PARD3: variants seen among roughly 807,000 people sequenced by gnomAD.
The protein encoded by PARD3 is partitioning defective 3 homolog.
A neutral mutation model predicts 155.4 loss-of-function variants in PARD3; 75 were observed. The ratio of observed to expected loss-of-function variants is 0.48; its 90% CI spans 0.40 to 0.58. The LOEUF is 0.58. Ranked by LOEUF, PARD3 falls within the 20% of genes least tolerant of loss-of-function variation. The probability of loss-of-function intolerance (pLI) is 0.00; values close to 1 mark genes in which losing one functional copy is unlikely to be tolerated. For missense variants in PARD3, 1,642 were observed against 1,721.7 expected, an observed-to-expected ratio of 0.95 and a Z score of 0.82; for synonymous variants, 576 against 610.5, an observed-to-expected ratio of 0.94 and a Z score of 0.83.
intron 22 of PARD3, among the ~76,000 whole-genome samples, chr10:34,224,193 A>G (rs1309609943): frequency 1.3e-5 from 2 of 152,218 alleles, no homozygotes; most frequent in Non-Finnish European, 2.9e-5. Flanking sequence ...ATTGACCTAA[A>G]AGCTTTTCAT....
At chr10:34,316,947 C>T (rs1406415886) in intron 20 of PARD3, among the ~76,000 whole-genome samples, 160 bp downstream of exon 20, 1 of 152,116 alleles carries the variant, frequency 6.6e-6, no homozygotes, top group African/African-American at 2.4e-5. Context: ...GTTGCCCAGG[C>T]TGGATTTGGA....
At chr10:34,123,357 T>C (rs1313754497) in intron 23 of PARD3, among the ~76,000 whole-genome samples, 3 of 152,226 alleles carry the variant, frequency 2.0e-5, no homozygotes, top group African/African-American at 7.2e-5. Context: ...GGGATAATAA[T>C]TCAAGCTTGA....
chr10:34,723,268 T>C (rs1353335378), intron 1 of PARD3, among the ~76,000 whole-genome samples: 2 of 152,112 alleles, frequency 1.3e-5, no homozygotes, highest in African/African-American at 4.8e-5. Context: ...CTAGGAGGCC[T>C]GGGCAACAGA....
chr10:34,127,997 A>G (rs190912115), intron 23 of PARD3, among the ~76,000 whole-genome samples: 1 of 152,300 alleles, frequency 6.6e-6, no homozygotes, highest in Admixed American at 6.5e-5. Flanking sequence ...AAATGAACTA[A>G]ATACCTTAGA....
At chr10:34,236,785 C>G (rs975905497) in intron 22 of PARD3, among the ~76,000 whole-genome samples, 2 of 152,142 alleles carry the variant, frequency 1.3e-5, no homozygotes, top group African/African-American at 4.8e-5. Flanking sequence ...TCTCTTAGCA[C>G]CAATCAAGTC....
chr10:34,554,601 AAAAT>A (rs2084846514), intron 2 of PARD3, among the ~76,000 whole-genome samples: 1 of 152,234 alleles, frequency 6.6e-6, no homozygotes, highest in Non-Finnish European at 1.5e-5. Flanking sequence ...AACTCTATGG[AAAAT>A]AAATCTAGCA....
At chr10:34,226,514 C>T (rs988386437) in intron 22 of PARD3, among the ~76,000 whole-genome samples, 3 of 152,222 alleles carry the variant, frequency 2.0e-5, no homozygotes, top group East Asian at 1.9e-4. Context: ...CGCACCACTG[C>T]ACTCCAGCCT....
chr10:34,347,895 C>T, intron 15 of PARD3, 70 bp downstream of exon 15: 1 of 1,256,096 alleles, frequency 8.0e-7, no homozygotes, highest in Non-Finnish European at 1.1e-6. Context: ...AATATTACAC[C>T]AATAACCTCT....
intron 22 of PARD3, among the ~76,000 whole-genome samples, chr10:34,201,015 C>A (rs959370997): frequency 6.6e-6 from 1 of 152,188 alleles, no homozygotes; most frequent in Non-Finnish European, 1.5e-5. Flanking sequence ...TACATGCAGA[C>A]ACACGCACCT....
At chr10:34,342,945 T>A (rs1394863962) in intron 15 of PARD3, among the ~76,000 whole-genome samples, 2 of 152,170 alleles carry the variant, frequency 1.3e-5, no homozygotes, top group African/African-American at 4.8e-5. Flanking sequence ...ATTAACAGCT[T>A]ATATAAATGC....
chr10:34,171,403 T>C (rs1949785178), intron 22 of PARD3, among the ~76,000 whole-genome samples: 1 of 152,118 alleles, frequency 6.6e-6, no homozygotes. Flanking sequence ...TAATACTAAA[T>C]ATGGACGAGA....
chr10:34,708,036 C>G (rs2094393122), intron 1 of PARD3, among the ~76,000 whole-genome samples: 1 of 152,158 alleles, frequency 6.6e-6, no homozygotes, highest in African/African-American at 2.4e-5. Context: ...AGCTTATATT[C>G]CTTATCTTCC....
intron 22 of PARD3, among the ~76,000 whole-genome samples, chr10:34,259,358 T>C (rs901120675): frequency 1.3e-5 from 2 of 152,188 alleles, no homozygotes; most frequent in African/African-American, 4.8e-5. Flanking sequence ...GCCAAGTTCC[T>C]TCCGGAGGCT....
At chr10:34,630,023 T>C (rs886275278) in intron 2 of PARD3, among the ~76,000 whole-genome samples, 1 of 152,104 alleles carries the variant, frequency 6.6e-6, no homozygotes, top group Non-Finnish European at 1.5e-5. Flanking sequence ...GTATTACTGA[T>C]GAAAACGTGT....
At chr10:34,554,556 G>A (rs959156541) in intron 2 of PARD3, among the ~76,000 whole-genome samples, 3 of 152,048 alleles carry the variant, frequency 2.0e-5, no homozygotes, top group African/African-American at 7.2e-5. Context: ...AATTTAAAAG[G>A]GAGGATATAG....
At chr10:34,546,082 C>A (rs1422152588) in intron 2 of PARD3, among the ~76,000 whole-genome samples, 6 of 152,078 alleles carry the variant, frequency 3.9e-5, no homozygotes, top group Non-Finnish European at 8.8e-5. Flanking sequence ...ATTAGAAATA[C>A]AATAAATAAA....
chr10:34,442,690 G>A lies in PARD3; in HGVS notation c.714+7627C>T, dbSNP rs536955250. On this transcript the variant is annotated intron_variant, in intron 5 of 24. Coordinates refer to ENST00000374788, the MANE Select transcript of PARD3 (RefSeq NM_001184785.2). ...TTGAGACCAGTCTGGGAAACATAGC[G>A]GGACCCCACCTGTACAAAAAAATTT... Among the ~76,000 whole-genome samples, 109 of 152,244 alleles carry A rather than the reference G, an allele frequency of 7.2e-4. 1 individual carries two copies. The highest frequency in any genetic ancestry group is 6.6e-3 in the South Asian group (32 of 4,820).
intron 19 of PARD3, among the ~76,000 whole-genome samples, chr10:34,326,642 A>AT (rs1835062385): frequency 6.6e-6 from 1 of 152,242 alleles, no homozygotes; most frequent in African/African-American, 2.4e-5. Context: ...AGAAAATGAG[A>AT]TATCAAAGGC....
intron 23 of PARD3, among the ~76,000 whole-genome samples, chr10:34,129,446 C>G (rs1036990159): frequency 6.6e-6 from 1 of 152,190 alleles, no homozygotes; most frequent in Non-Finnish European, 1.5e-5. Context: ...AGCCATTGTG[C>G]CTGGCCTGCA....
Sources: allele counts gnomAD v4.1 joint callset (sites outside exome capture counted in the v4.1 genomes callset), GRCh38; gene constraint gnomAD v4.1.1; transcripts MANE v1.5; gene names NCBI Gene and HGNC (gene_info 2026-07-23, HGNC 2026-07-21).